The following SETD6 variants were observed in gnomAD, a reference collection of about 807,000 sequenced individuals.
The protein encoded by SETD6 is SET domain containing 6, protein lysine methyltransferase.
A neutral mutation model predicts 52.7 loss-of-function variants in SETD6; 67 were observed. The observed-to-expected ratio is 1.27, with a 90% CI of 1.04 to 1.56. The LOEUF is 1.56. Among genes scored for constraint, SETD6 ranks in the 40% most tolerant of loss-of-function variants. The probability of loss-of-function intolerance (pLI) is 0.00; values close to 1 mark genes in which losing one functional copy is unlikely to be tolerated. For synonymous variants in SETD6, 307 were observed against 250.2 expected (o/e 1.23, Z -2.14); for missense variants, 712 against 607.5 (o/e 1.17, Z -1.81).
Position 58,515,889 on chromosome 16 carries a change from G to A in SETD6, c.126G>A (p.Glu42=). 6.6e-7 allele frequency: 1 copy of A among 1,512,664 alleles called. No individual in the cohort carries two copies. Among genetic ancestry groups the A allele is most frequent in the Non-Finnish European group, 8.8e-7 (1 of 1,139,426 alleles). 93.7% of individuals were successfully genotyped at this position (1,512,664 alleles called of 1,614,324 possible). ...VGLELSPKVS[E]RAGGRRTRGG... ...TGGAGCTGAGTCCCAAGGTGAGCGA[G>A]CGAGCCGGCGGGCGGAGGACCCGCG... The change falls in exon 2 of 8, where the codon GAG becomes GAA. Residue 42 remains glutamate, a synonymous_variant. Coordinates refer to ENST00000219315, the MANE Select transcript of SETD6 (RefSeq NM_001160305.4).
rs2039412296 is a variant in SETD6 at position 58,522,228 on chromosome 16, A to G, written c.*3199A>G. 7.8e-6 allele frequency among the ~76,000 whole-genome samples: 1 copy of G among 128,118 alleles called. No homozygotes were observed. The allele number at this position is 128,118 out of a possible 152,430, so 84.1% of individuals were successfully genotyped here. A position where few individuals can be genotyped will look rare whatever the true frequency, so the allele number is the denominator to read the frequency against. ...CAGCTACTCAGGAGGCGACAAAGCGAGACTGTCTCAAAAAAAAAAAAAAAA... is the reference window on the plus strand; with the variant it reads ...CAGCTACTCAGGAGGCGACAAAGCGGGACTGTCTCAAAAAAAAAAAAAAAA... On this transcript the variant is annotated 3_prime_UTR_variant, in exon 8 of 8. Coordinates refer to ENST00000219315, the MANE Select transcript of SETD6 (RefSeq NM_001160305.4).
Position 58,516,479 on chromosome 16 carries a change from C to A in SETD6, c.478C>A (p.Pro160Thr), listed in dbSNP as rs1300813004. The change falls in exon 4 of 8, where the codon CCA becomes ACA. Residue 160 changes from proline (P) to threonine (T), a missense_variant and splice_region_variant. Physicochemically the swap from Pro to Thr is conservative, Grantham distance 38. Coordinates refer to ENST00000219315, the MANE Select transcript of SETD6 (RefSeq NM_001160305.4). ...LGRLEHPMFW[P>T]EEERRCLLQG... ...ACCTGGGTGTGGGTGTCCCTGCAGG[C>A]CAGAGGAGGAGCGCCGGTGCCTGCT... 6.2e-7 allele frequency: 1 copy of A among 1,613,888 alleles called. No homozygotes were observed. The highest frequency in any genetic ancestry group is 8.5e-7 in the Non-Finnish European group (1 of 1,179,904).
At position 58,521,393 on chromosome 16, in the gene SETD6, C is replaced by G; in HGVS notation, c.*2364C>G. 6.9e-7 allele frequency: 1 copy of G among 1,447,658 alleles called. No homozygotes were observed. The highest frequency in any genetic ancestry group is 9.4e-7 in the Non-Finnish European group (1 of 1,067,806). The allele number at this position is 1,447,658 out of a possible 1,614,324, so 89.7% of individuals were successfully genotyped here. A position where few individuals can be genotyped will look rare whatever the true frequency, so the allele number is the denominator to read the frequency against. On this transcript the variant is annotated 3_prime_UTR_variant, in exon 8 of 8. Coordinates refer to ENST00000219315, the MANE Select transcript of SETD6 (RefSeq NM_001160305.4). ...TGATTATTCTTCCATTACTTTTTTT[C>G]TAACTTCTCCCTGACTATTGAACCA...
At chr16:58,517,003 A>C in intron 5 of SETD6, 75 bp downstream of exon 5, 1 of 1,607,970 alleles carries the variant, frequency 6.2e-7, no homozygotes. Context: ...TTCTCTTACT[A>C]GTGCTACAAA....
Position 58,516,115 on chromosome 16 carries a change from C to G in SETD6, c.334+18C>G. On this transcript the variant is annotated intron_variant, in intron 2 of 7. Transcript: ENST00000219315. The stretch of plus-strand genomic sequence containing the variant: ...GGAGCGAGGTGGGCACGGCGGCGGG[C>G]TAGGGCCCTGGGGCGGGGCGGGGCG... 1.5e-6 allele frequency: 1 copy of G among 664,492 alleles called. No homozygotes were observed. The highest frequency in any genetic ancestry group is 1.8e-6 in the Non-Finnish European group (1 of 549,066). 41.2% of individuals were successfully genotyped at this position (664,492 alleles called of 1,614,324 possible).
In SETD6 at chr16:58,521,308, C is replaced by G; in HGVS notation, c.*2279C>G. On this transcript the variant is annotated 3_prime_UTR_variant, in exon 8 of 8. Coordinates refer to ENST00000219315, the MANE Select transcript of SETD6 (RefSeq NM_001160305.4). ...GTGGCCTATTTACAATCAACCGTTCCAAGAGAACTCTGGAAAAAGGGAGAA... is the reference window on the plus strand; with the variant it reads ...GTGGCCTATTTACAATCAACCGTTCGAAGAGAACTCTGGAAAAAGGGAGAA... 1 of 1,604,080 alleles carries G rather than the reference C, an allele frequency of 6.2e-7. No individual in the cohort carries two copies. The highest frequency in any genetic ancestry group is 8.5e-7 in the Non-Finnish European group (1 of 1,177,692).
chr16:58,515,809 G>C lies in SETD6; in HGVS notation c.46G>C (p.Gly16Arg). The C allele has an allele frequency of 6.6e-7, 1 of 1,524,488 alleles. No individual in the cohort carries two copies. Among genetic ancestry groups the C allele is most frequent in the Non-Finnish European group, 8.7e-7 (1 of 1,144,848 alleles). 94.4% of individuals were successfully genotyped at this position (1,524,488 alleles called of 1,614,324 possible). A position where few individuals can be genotyped will look rare whatever the true frequency, so the allele number is the denominator to read the frequency against. ...KRPRVAGPVD[G>R]GDLDPVACFL... ...ATCTCAGGTGGCGGGGCCCGTGGAC[G>C]GCGGCGACCTGGATCCTGTGGCCTG... The change falls in exon 2 of 8, where the codon GGC becomes CGC. Residue 16 changes from glycine (G) to arginine (R), a missense_variant. Physicochemically the swap from Gly to Arg is moderately radical, Grantham distance 125. Transcript: ENST00000219315.
chr16:58,518,808 A>T lies in SETD6; in HGVS notation c.1201A>T (p.Thr401Ser). The T allele has an allele frequency of 6.2e-7, 1 of 1,614,194 alleles. No homozygotes were observed. Among genetic ancestry groups the T allele is most frequent in the Non-Finnish European group, 8.5e-7 (1 of 1,180,046 alleles). The change falls in exon 8 of 8, where the codon ACG becomes TCG. Residue 401 changes from threonine (T) to serine (S), a missense_variant. Coordinates refer to ENST00000219315, the MANE Select transcript of SETD6 (RefSeq NM_001160305.4). ...TGATAAAAGGGAAGAGGGCAGCCTGACGATCACAAATATTCCCAAGCTCAA... is the reference window on the plus strand; with the variant it reads ...TGATAAAAGGGAAGAGGGCAGCCTGTCGATCACAAATATTCCCAAGCTCAA... ...GDDKREEGSL[T>S]ITNIPKLKAS...
chr16:58,517,739 G>A, intron 5 of SETD6: 2 of 385,222 alleles, frequency 5.2e-6, no homozygotes, highest in Non-Finnish European at 9.8e-6. Flanking sequence ...ACCTCCCTAA[G>A]TGCTGGGATT....
In SETD6 at chr16:58,518,229, A is replaced by C. The variant is rs780591883; in HGVS notation, c.971A>C (p.Gln324Pro). 6.2e-7 allele frequency: 1 copy of C among 1,614,216 alleles called. No homozygotes were observed. Among genetic ancestry groups the C allele is most frequent in the Non-Finnish European group, 8.5e-7 (1 of 1,180,046 alleles). The change falls in exon 6 of 8, where the codon CAG (glutamine) becomes CCG (proline). Residue 324 changes from glutamine to proline, a missense_variant and splice_region_variant. Coordinates refer to ENST00000219315, the MANE Select transcript of SETD6 (RefSeq NM_001160305.4). ...QMVTVREAAL[Q>P]GTKTEAERHL... ...GTGACAGTTCGTGAGGCAGCATTAC[A>C]GGGTGAGTGTATCATTAACTCAATA... is the stretch of plus-strand genomic sequence containing the variant.
Position 58,520,238 on chromosome 16 carries a change from G to GGGGGTGAGGGTA in SETD6, c.*1216_*1227dup, listed in dbSNP as rs2039320815. ...TTTTTAAGTTTCAGGAGAGGATTGGGGGGGTGAGGGTAGGGGTGGGCTTTA... is the reference window on the plus strand; with the variant it reads ...TTTTTAAGTTTCAGGAGAGGATTGGGGGGGTGAGGGTAGGGGTGAGGGTAGGGGTGGGCTTTA... On this transcript the variant is annotated 3_prime_UTR_variant, in exon 8 of 8. Transcript: ENST00000219315. 1.1e-5 allele frequency: 1 copy of GGGGGTGAGGGTA among 94,542 alleles called. No individual in the cohort carries two copies. The highest frequency in any genetic ancestry group is 2.0e-5 in the Non-Finnish European group (1 of 50,286). 5.9% of individuals were successfully genotyped at this position (94,542 alleles called of 1,614,324 possible). A position where few individuals can be genotyped will look rare whatever the true frequency, so the allele number is the denominator to read the frequency against.
At chr16:58,515,754 G>A in intron 1 of SETD6, 37 bp from the exon 2 acceptor site, 1 of 1,432,122 alleles carries the variant, frequency 7.0e-7, no homozygotes, top group Non-Finnish European at 9.1e-7. Context: ...CGGCCTCTCT[G>A]GGGGTCGGAC....
Position 58,521,351 on chromosome 16 carries a change from A to G in SETD6, c.*2322A>G, listed in dbSNP as rs2039359865. The G allele has an allele frequency of 1.3e-6, 2 of 1,563,376 alleles. No individual in the cohort carries two copies. The highest frequency in any genetic ancestry group is 1.2e-5 in the South Asian group (1 of 84,466). ...AGGGAGAAAGAGCTAGTTAATGTAT[A>G]GAAGCATACAAATTCATGATTATTC... On this transcript the variant is annotated 3_prime_UTR_variant, in exon 8 of 8. Transcript: ENST00000219315.
Position 58,515,773 on chromosome 16 carries a change from T to A in SETD6, c.28-18T>A. On this transcript the variant is annotated intron_variant, in intron 1 of 7. Coordinates refer to ENST00000219315, the MANE Select transcript of SETD6 (RefSeq NM_001160305.4). ...CTCTCTGGGGGTCGGACCTGGTCACTGCGCGCACTTATCTCAGGTGGCGGG... is the reference window on the plus strand; with the variant it reads ...CTCTCTGGGGGTCGGACCTGGTCACAGCGCGCACTTATCTCAGGTGGCGGG... The A allele has an allele frequency of 1.4e-6, 2 of 1,475,660 alleles. No homozygotes were observed. The highest frequency in any genetic ancestry group is 8.9e-7 in the Non-Finnish European group (1 of 1,121,250). 91.4% of individuals were successfully genotyped at this position (1,475,660 alleles called of 1,614,324 possible).
At position 58,520,618 on chromosome 16, in the gene SETD6, C is replaced by A; in HGVS notation, c.*1589C>A. 7.3e-6 allele frequency: 2 copies of A among 272,302 alleles called. No homozygotes were observed. The highest frequency in any genetic ancestry group is 6.4e-5 in the South Asian group (1 of 15,620). The allele number at this position is 272,302 out of a possible 1,614,324, so 16.9% of individuals were successfully genotyped here. ...CAGACAAGTGCATGGCATCAGCTGC[C>A]TCTTCATTACAAGGTACCAGTTTAT... is the stretch of plus-strand genomic sequence containing the variant. On this transcript the variant is annotated 3_prime_UTR_variant, in exon 8 of 8. Coordinates refer to ENST00000219315, the MANE Select transcript of SETD6 (RefSeq NM_001160305.4).
rs1313710697 is a variant in SETD6, at chr16:58,518,993, G to A, written c.1386G>A (p.Lys462=). 2 of 1,613,810 alleles carry A rather than the reference G, an allele frequency of 1.2e-6. No homozygotes were observed. The highest frequency in any genetic ancestry group is 4.5e-5 in the East Asian group (2 of 44,888). Residue 462 remains lysine, a synonymous_variant, in exon 8 of 8, where the codon AAG becomes AAA. Transcript: ENST00000219315. ...CCTTACAGGTTCGCTATGGTCAGAA[G>A]ATGATCTTACATCAGTTGTTGGAGC... ...QQALQVRYGQ[K]MILHQLLELT...
chr16:58,515,587 A>G (rs1410824285), intron 1 of SETD6, 23 bp downstream of exon 1: 5 of 1,544,252 alleles, frequency 3.2e-6, no homozygotes, highest in Non-Finnish European at 3.5e-6. Flanking sequence ...CGCGGGGTCC[A>G]GCCTTTTCCT....
At chr16:58,517,138 A>G (rs550313178) in intron 5 of SETD6, 3 of 661,374 alleles carry the variant, frequency 4.5e-6, no homozygotes, top group African/African-American at 3.6e-5. Context: ...GATAAACTAT[A>G]CTACCATCAT....
intron 5 of SETD6, chr16:58,517,483 T>C (rs746928370): frequency 2.3e-5 from 4 of 171,848 alleles, no homozygotes; most frequent in South Asian, 1.3e-4. Context: ...GTTCCATTTT[T>C]TCCCCCCCGA....
Sources: gnomAD v4.1 joint callset for allele counts (sites outside exome capture counted in the v4.1 genomes callset) on GRCh38, gnomAD v4.1.1 for gene constraint, MANE v1.5 for transcripts, NCBI Gene and HGNC (gene_info 2026-07-23, HGNC 2026-07-21) for gene names.